Variants in EYS observed in about 807,000 individuals in gnomAD.
EYS encodes EGF-like photoreceptor maintenance factor, also known as protein eyes shut homolog.
EYS carries 250 observed loss-of-function variants against 282.1 expected under a neutral mutation model. The observed-to-expected ratio is 0.89, with a 90% CI of 0.80 to 0.98. The LOEUF (loss-of-function observed/expected upper bound fraction) is 0.98. Ranked by LOEUF, EYS falls within the 50% of genes least tolerant of loss-of-function variation. EYS has a pLI of 0.00. For synonymous variants in EYS, 1,355 were observed against 1,282.9 expected, an observed-to-expected ratio of 1.06 and a Z score of -1.20; for missense variants, 4,016 against 3,709.0, an observed-to-expected ratio of 1.08 and a Z score of -2.15.
At chr6:63,873,509 T>C (rs1025622414) in intron 35 of EYS, among the ~76,000 whole-genome samples, 1 of 152,226 alleles carries the variant, frequency 6.6e-6, no homozygotes, top group Non-Finnish European at 1.5e-5. Context: ...TTCCTTTGGA[T>C]ATATGCCCAG....
intron 12 of EYS, among the ~76,000 whole-genome samples, chr6:65,240,723 T>C (rs1767037319): frequency 6.6e-6 from 1 of 152,206 alleles, no homozygotes; most frequent in Non-Finnish European, 1.5e-5. Flanking sequence ...TTTGTTGTTG[T>C]GAATAGTGCT....
chr6:65,671,920 G>A (rs992307401), intron 1 of EYS, among the ~76,000 whole-genome samples: 2 of 152,108 alleles, frequency 1.3e-5, no homozygotes, highest in African/African-American at 4.8e-5. Flanking sequence ...GTGCTGACAG[G>A]AAAGGGTGTC....
chr6:63,966,800 C>A (rs745523859), intron 35 of EYS, among the ~76,000 whole-genome samples: 15 of 152,126 alleles, frequency 9.9e-5, no homozygotes, highest in Admixed American at 3.3e-4. Flanking sequence ...ACAGTGTAAG[C>A]AATCAATGAT....
chr6:65,196,795 A>T (rs977714788), intron 12 of EYS, among the ~76,000 whole-genome samples: 7 of 152,058 alleles, frequency 4.6e-5, no homozygotes, highest in Non-Finnish European at 7.4e-5. Context: ...GTTACATTGG[A>T]GGAAGCACCC....
At chr6:64,541,737 C>T (rs2149799437) in intron 26 of EYS, among the ~76,000 whole-genome samples, 1 of 152,280 alleles carries the variant, frequency 6.6e-6, no homozygotes, top group South Asian at 2.1e-4. Flanking sequence ...CTTCATCCTA[C>T]TGAGACATCA....
chr6:64,474,726 G>C (rs1310618350), intron 26 of EYS, among the ~76,000 whole-genome samples: 1 of 152,194 alleles, frequency 6.6e-6, no homozygotes. Flanking sequence ...TAGTACTCAA[G>C]AAGAACAATA....
chr6:65,151,539 T>C (rs915355591), intron 12 of EYS, among the ~76,000 whole-genome samples: 1 of 151,980 alleles, frequency 6.6e-6, no homozygotes, highest in African/African-American at 2.4e-5. Context: ...GAAAATTGCA[T>C]GCAGAAAGCT....
intron 12 of EYS, among the ~76,000 whole-genome samples, chr6:65,105,108 T>C (rs981268305): frequency 2.6e-5 from 4 of 151,772 alleles, no homozygotes; most frequent in African/African-American, 7.2e-5. Flanking sequence ...CTTTTAACTA[T>C]TGTTTTGAAA....
chr6:64,221,316 G>A (rs968362992), intron 31 of EYS, among the ~76,000 whole-genome samples: 1 of 151,922 alleles, frequency 6.6e-6, no homozygotes, highest in African/African-American at 2.4e-5. Flanking sequence ...AAAGTGAATG[G>A]ATTTATGCCA....
intron 7 of EYS, among the ~76,000 whole-genome samples, chr6:65,390,369 G>GGGGA (rs1192412819): frequency 6.6e-6 from 1 of 151,008 alleles, no homozygotes; most frequent in Non-Finnish European, 1.5e-5. Flanking sequence ...AGAGGGGGAG[G>GGGGA]GGGAGAGAGA....
intron 5 of EYS, among the ~76,000 whole-genome samples, chr6:65,437,123 A>G (rs1454117206): frequency 2.0e-5 from 3 of 152,282 alleles, no homozygotes; most frequent in African/African-American, 7.2e-5. Flanking sequence ...CTTTTTCTTT[A>G]TACTACAGAA....
At chr6:64,536,647 C>T (rs1764527951) in intron 26 of EYS, among the ~76,000 whole-genome samples, 1 of 151,868 alleles carries the variant, frequency 6.6e-6, no homozygotes, top group African/African-American at 2.4e-5. Flanking sequence ...ATCCTACTTG[C>T]TTGAAAAGTG....
At chr6:65,387,314 G>A (rs996581333) in intron 7 of EYS, among the ~76,000 whole-genome samples, 2 of 151,726 alleles carry the variant, frequency 1.3e-5, no homozygotes, top group African/African-American at 4.8e-5. Context: ...TCCATCACCA[G>A]CATTTTGGTA....
At chr6:64,982,503 TTTGGAAA>T (rs548629930) in intron 14 of EYS, among the ~76,000 whole-genome samples, 3 of 151,238 alleles carry the variant, frequency 2.0e-5, no homozygotes, top group Non-Finnish European at 3.0e-5. Flanking sequence ...TTACATGTAT[TTTGGAAA>T]TATATGAACA....
chr6:65,155,338 C>T (rs886513055), intron 12 of EYS, among the ~76,000 whole-genome samples: 1 of 151,342 alleles, frequency 6.6e-6, no homozygotes, highest in Non-Finnish European at 1.5e-5. Flanking sequence ...CTGTCGTGCC[C>T]ACACCAAGAG....
chr6:63,888,752 C>G (rs746989697), intron 35 of EYS, among the ~76,000 whole-genome samples: 4 of 152,190 alleles, frequency 2.6e-5, no homozygotes, highest in Non-Finnish European at 5.9e-5. Flanking sequence ...ATCACAACTT[C>G]GTGTAAGCAA....
At chr6:65,214,115 C>A (rs1358486132) in intron 12 of EYS, among the ~76,000 whole-genome samples, 2 of 128,976 alleles carry the variant, frequency 1.6e-5, no homozygotes, top group South Asian at 2.6e-4. Context: ...GCCGAGATTG[C>A]GCCACTGCAC....
At chr6:64,009,903 G>A (rs1180772171) in intron 33 of EYS, among the ~76,000 whole-genome samples, 2 of 152,028 alleles carry the variant, frequency 1.3e-5, no homozygotes, top group African/African-American at 4.8e-5. Context: ...ATGTGTTTTT[G>A]GTTTGTTTGT....
chr6:64,658,651 G>A (rs950948942), intron 22 of EYS, among the ~76,000 whole-genome samples: 58 of 152,310 alleles, frequency 3.8e-4, no homozygotes, highest in East Asian at 2.9e-3. Flanking sequence ...TATCAGCAGC[G>A]GAGGCTGCAG....
Sources: allele counts gnomAD v4.1 joint callset (sites outside exome capture counted in the v4.1 genomes callset), GRCh38; gene constraint gnomAD v4.1.1; transcripts MANE v1.5; gene names NCBI Gene and HGNC (gene_info 2026-07-23, HGNC 2026-07-21).